Variants in CSNK1G1 observed in about 807,000 individuals in gnomAD.
The protein encoded by CSNK1G1 is casein kinase 1 gamma 1, also known as casein kinase I isoform gamma-1.
In CSNK1G1, 22 loss-of-function variants were observed where a neutral mutation model predicts 59.6. The ratio of observed to expected loss-of-function variants is 0.37; its 90% confidence interval spans 0.26 to 0.53. CSNK1G1 has a LOEUF of 0.53. CSNK1G1 is among the 20% of genes least tolerant of loss of function. The probability of loss-of-function intolerance (pLI) is 0.89; values close to 1 mark genes in which losing one functional copy is unlikely to be tolerated. For synonymous variants in CSNK1G1, 179 were observed against 177.1 expected (o/e 1.01, Z -0.08); for missense variants, 384 against 519.5 (o/e 0.74, Z 2.54).
intron 5 of CSNK1G1, among the ~76,000 whole-genome samples, chr15:64,215,476 T>C (rs2082300547): frequency 6.6e-6 from 1 of 152,216 alleles, no homozygotes; most frequent in South Asian, 2.1e-4. Context: ...CCTCCCAAAG[T>C]GCTGGGATTA....
At chr15:64,260,348 G>C (rs559741889) in intron 2 of CSNK1G1, among the ~76,000 whole-genome samples, 32 of 152,126 alleles carry the variant, frequency 2.1e-4, no homozygotes, top group African/African-American at 7.7e-4. Context: ...TTATATTTCT[G>C]TAATACATAG....
chr15:64,223,877 A>T (rs958479740), intron 4 of CSNK1G1, among the ~76,000 whole-genome samples: 1 of 152,220 alleles, frequency 6.6e-6, no homozygotes, highest in Admixed American at 6.5e-5. Flanking sequence ...TTCAGTCTGT[A>T]TGAAGTTTAA....
At chr15:64,335,330 G>A (rs189042378) in intron 1 of CSNK1G1, among the ~76,000 whole-genome samples, 1 of 152,158 alleles carries the variant, frequency 6.6e-6, no homozygotes, top group East Asian at 1.9e-4. Context: ...CAGTATTGAG[G>A]AGCCACAGAC....
intron 1 of CSNK1G1, among the ~76,000 whole-genome samples, chr15:64,311,015 A>C (rs1381139527): frequency 6.6e-6 from 1 of 151,744 alleles, no homozygotes; most frequent in African/African-American, 2.4e-5. Context: ...AAAAAAAAAA[A>C]AAAGGAAAAA....
intron 1 of CSNK1G1, among the ~76,000 whole-genome samples, chr15:64,313,870 C>CAAA (rs11402033): frequency 0.015 from 2,218 of 143,586 alleles, 72 homozygotes; most frequent in African/African-American, 0.054. Flanking sequence ...AGGTATATGG[C>CAAA]AAAAAAAAAA....
At chr15:64,350,319 C>T (rs1038340150) in intron 1 of CSNK1G1, among the ~76,000 whole-genome samples, 5 of 151,922 alleles carry the variant, frequency 3.3e-5, no homozygotes, top group African/African-American at 9.7e-5. Flanking sequence ...CGGTGAAACC[C>T]CGTCTCTACT....
At chr15:64,221,611 G>A (rs2082389476) in intron 4 of CSNK1G1, among the ~76,000 whole-genome samples, 1 of 151,626 alleles carries the variant, frequency 6.6e-6, no homozygotes, top group African/African-American at 2.4e-5. Context: ...TGTAGAAAAA[G>A]CTCAAGTCAG....
chr15:64,269,550 G>A (rs1893167856), intron 2 of CSNK1G1, among the ~76,000 whole-genome samples: 1 of 148,816 alleles, frequency 6.7e-6, no homozygotes. Context: ...CTGGAGTGCA[G>A]TGGTGCGATC....
Position 64,300,474 on chromosome 15 carries a change from T to C in CSNK1G1, c.26A>G (p.Asp9Gly). Residue 9 changes from aspartate to glycine, a missense_variant, in exon 2 of 12, where the codon GAT (aspartate) becomes GGT (glycine). Around this residue, in one of 3 missense-constraint regions of CSNK1G1, gnomAD observed 56 missense variants for 60.8 expected, o/e 0.92. Coordinates refer to ENST00000303052, the MANE Select transcript of CSNK1G1 (RefSeq NM_022048.5). ...GGGTTTAGTTGTCCGTTGTCTTTCA[T>C]CCTTTTCCCTACTAGGATGGTCCAT... MDHPSREK[D>G]ERQRTTKPMA... 6.2e-7 allele frequency: 1 copy of C among 1,614,216 alleles called. No individual in the cohort carries two copies. The highest frequency in any genetic ancestry group is 2.2e-5 in the East Asian group (1 of 44,890).
Position 64,307,995 on chromosome 15 carries a change from C to T in CSNK1G1, c.-224-7272G>A, listed in dbSNP as rs190277058. 2.2e-4 allele frequency among the ~76,000 whole-genome samples: 33 copies of T among 152,084 alleles called. No individual in the cohort carries two copies. In the East Asian group the frequency reaches 5.6e-3, roughly 26 times the overall value. On this transcript the variant is annotated intron_variant, in intron 1 of 11. Coordinates refer to ENST00000303052, the MANE Select transcript of CSNK1G1 (RefSeq NM_022048.5). ...ACCACCGCGCCCTGCCTGTCAGCAA[C>T]TTACGCTTATGTGGTCAGGGAAAAA...
At chr15:64,353,176 ATT>A (rs1462147844) in intron 1 of CSNK1G1, among the ~76,000 whole-genome samples, 1 of 152,240 alleles carries the variant, frequency 6.6e-6, no homozygotes, top group East Asian at 1.9e-4. Context: ...CAAACTTTGT[ATT>A]CTCACAAACA....
At chr15:64,338,456 T>C (rs918303982) in intron 1 of CSNK1G1, among the ~76,000 whole-genome samples, 4 of 151,984 alleles carry the variant, frequency 2.6e-5, no homozygotes, top group African/African-American at 4.8e-5. Context: ...TCCCAGCACA[T>C]TGGGAGGCCA....
chr15:64,316,318 C>T (rs1015310852), intron 1 of CSNK1G1, among the ~76,000 whole-genome samples: 1 of 152,140 alleles, frequency 6.6e-6, no homozygotes, highest in Non-Finnish European at 1.5e-5. Context: ...GAGCTCATCA[C>T]TTGAGGCCAG....
rs1174027521 is a variant in CSNK1G1, at chr15:64,300,433, C to T, written c.67G>A (p.Ala23Thr). Residue 23 changes from alanine to threonine, a missense_variant, in exon 2 of 12, where the codon GCA becomes ACA. By Grantham distance (58) the Ala-to-Thr change is moderately conservative. Around this residue, in one of 3 missense-constraint regions of CSNK1G1, gnomAD observed 56 missense variants for 60.8 expected, o/e 0.92. Transcript: ENST00000303052. ...RTTKPMAQRS[A>T]HCSRPSGSSS... ...GAGCCAGATGGTCGAGAGCAGTGTGCACTCCTTTGTGCCATGGGTTTAGTT... is the reference window on the plus strand; with the variant it reads ...GAGCCAGATGGTCGAGAGCAGTGTGTACTCCTTTGTGCCATGGGTTTAGTT... 4 of 1,614,174 alleles carry T rather than the reference C, an allele frequency of 2.5e-6. No individual in the cohort carries two copies. Among genetic ancestry groups the T allele is most frequent in the Non-Finnish European group, 3.4e-6 (4 of 1,180,026 alleles).
In CSNK1G1 at chr15:64,203,130, G is replaced by A. The variant is rs1281479856; in HGVS notation, c.1059C>T (p.Ser353=). 1 of 1,614,040 alleles carries A rather than the reference G, an allele frequency of 6.2e-7. No homozygotes were observed. The highest frequency in any genetic ancestry group is 8.5e-7 in the Non-Finnish European group (1 of 1,179,936). The change falls in exon 10 of 12, where the codon AGC becomes AGT. Residue 353 remains serine (S), a synonymous_variant. Transcript: ENST00000303052. The stretch of plus-strand genomic sequence containing the variant: ...GTGATGGCCGATCCCTATGTGTGTG[G>A]CTTTCTCGAGTTATTGCAGATGCAC... ...DSGASAITRE[S]HTHRDRPSQQ...
intron 4 of CSNK1G1, among the ~76,000 whole-genome samples, chr15:64,237,125 G>A (rs1002532413): frequency 6.6e-6 from 1 of 152,156 alleles, no homozygotes; most frequent in African/African-American, 2.4e-5. Flanking sequence ...TTGGAATGGT[G>A]AGGGAGTGGG....
chr15:64,322,780 C>T (rs1408491540), intron 1 of CSNK1G1, among the ~76,000 whole-genome samples: 2 of 152,220 alleles, frequency 1.3e-5, no homozygotes, highest in South Asian at 2.1e-4. Context: ...CTGGAGTGAG[C>T]ACTACATTCC....
chr15:64,215,792 C>T (rs1596106746), intron 5 of CSNK1G1, among the ~76,000 whole-genome samples: 2 of 152,186 alleles, frequency 1.3e-5, no homozygotes, highest in South Asian at 4.1e-4. Flanking sequence ...TCTGAGAGAA[C>T]TGGAGGCCTG....
chr15:64,188,359 T>C lies in CSNK1G1; in HGVS notation c.1108-7905A>G. On this transcript the variant is annotated intron_variant, in intron 10 of 11. Coordinates refer to ENST00000303052, the MANE Select transcript of CSNK1G1 (RefSeq NM_022048.5). The surrounding 1 kb of genome is among the most constrained non-coding windows in gnomAD (Gnocchi z 4.2). ...AGCTGGAAAGGCCAGGAAAAGGCAATAAAGGCAGTAAATACCTGCACTGAT... is the reference window on the plus strand; with the variant it reads ...AGCTGGAAAGGCCAGGAAAAGGCAACAAAGGCAGTAAATACCTGCACTGAT... 6.6e-7 allele frequency: 1 copy of C among 1,524,484 alleles called. No individual in the cohort carries two copies. The highest frequency in any genetic ancestry group is 8.8e-7 in the Non-Finnish European group (1 of 1,137,448). 94.4% of individuals were successfully genotyped at this position (1,524,484 alleles called of 1,614,324 possible).
Sources: gnomAD v4.1 joint callset for allele counts (sites outside exome capture counted in the v4.1 genomes callset) on GRCh38, gnomAD v4.1.1 for gene constraint, gnomAD v4.1.1 regional missense constraint, Gnocchi (gnomAD v3.1) non-coding constraint, MANE v1.5 for transcripts, NCBI Gene and HGNC (gene_info 2026-07-23, HGNC 2026-07-21) for gene names.